PCCA: variants seen among roughly 807,000 people sequenced by gnomAD.
PCCA encodes propionyl-CoA carboxylase subunit alpha, also known as propionyl-CoA carboxylase alpha chain, mitochondrial.
A neutral mutation model predicts 101.3 loss-of-function variants in PCCA; 74 were observed. The observed-to-expected ratio is 0.73, with a 90% CI of 0.61 to 0.89. The LOEUF (loss-of-function observed/expected upper bound fraction) is 0.89, where lower values mean the gene tolerates loss of function less well. PCCA is among the 40% of genes least tolerant of loss of function. The probability of loss-of-function intolerance (pLI) is 0.00; values close to 1 mark genes in which losing one functional copy is unlikely to be tolerated. For synonymous variants in PCCA, 294 were observed against 313.6 expected (o/e 0.94, Z 0.66); for missense variants, 891 against 907.0 (o/e 0.98, Z 0.23).
At chr13:100,452,950 AC>A (rs908564216) in intron 21 of PCCA, among the ~76,000 whole-genome samples, 3 of 152,124 alleles carry the variant, frequency 2.0e-5, no homozygotes, top group African/African-American at 7.2e-5. Flanking sequence ...GTGCCTATAA[AC>A]TCAGCCCTTT....
intron 17 of PCCA, among the ~76,000 whole-genome samples, chr13:100,337,708 T>C (rs2070712167): frequency 6.6e-6 from 1 of 152,214 alleles, no homozygotes; most frequent in Non-Finnish European, 1.5e-5. Context: ...CATGCACTAA[T>C]AGTTGGTTAG....
intron 22 of PCCA, among the ~76,000 whole-genome samples, chr13:100,520,413 C>T (rs376301132): frequency 3.3e-5 from 5 of 151,594 alleles, no homozygotes; most frequent in African/African-American, 4.8e-5. Flanking sequence ...TTTGGGAGGC[C>T]GAGGCGGGCG....
At position 100,279,069 on chromosome 13, in the gene PCCA, C is replaced by G. The variant is rs549893313; in HGVS notation, c.1065+5723C>G. On this transcript the variant is annotated intron_variant, in intron 12 of 23. Transcript: ENST00000376285. ...CTTCTCACCGGTGGTCTGGGCCCCA[C>G]ACTGTGAGAAAATATTTCACTAATA... 1.6e-4 allele frequency among the ~76,000 whole-genome samples: 25 copies of G among 152,232 alleles called. No homozygotes were observed. The South Asian group carries it at 5.2e-3, about 32-fold the overall frequency.
intron 19 of PCCA, among the ~76,000 whole-genome samples, chr13:100,377,143 C>T (rs1229148541): frequency 6.6e-6 from 1 of 152,194 alleles, no homozygotes; most frequent in Non-Finnish European, 1.5e-5. Context: ...GCTGCACCCA[C>T]TGTCTAACCA....
intron 19 of PCCA, among the ~76,000 whole-genome samples, chr13:100,406,715 A>G (rs1365783583): frequency 6.6e-6 from 1 of 152,172 alleles, no homozygotes; most frequent in South Asian, 2.1e-4. Context: ...TCCCCACCCA[A>G]AAAAAGAGAA....
chr13:100,201,962 C>G (rs1346133825), intron 6 of PCCA, among the ~76,000 whole-genome samples: 1 of 149,118 alleles, frequency 6.7e-6, no homozygotes, highest in African/African-American at 2.5e-5. Flanking sequence ...TTGGACTTCT[C>G]AGAGTTTATG....
rs374566196 is a variant in PCCA at position 100,520,634 on chromosome 13, CAAAAAA to C, written c.2040+5085_2040+5090del. Among the ~76,000 whole-genome samples the C allele has an allele frequency of 2.5e-3, 171 of 68,274 alleles. 2 individuals are homozygous for C. Among genetic ancestry groups the C allele is most frequent in the African/African-American group, 9.1e-3 (151 of 16,602 alleles). The allele number at this position is 68,274 out of a possible 152,430, so 44.8% of individuals were successfully genotyped here. A position where few individuals can be genotyped will look rare whatever the true frequency, so the allele number is the denominator to read the frequency against. ...TGGGCGACAGAGCGAGACTCCGTCTCAAAAAAAAAAAAAAAAAAAAAAAGAGTTGGT... is the reference window on the plus strand; with the variant it reads ...TGGGCGACAGAGCGAGACTCCGTCTCAAAAAAAAAAAAAAAAAGAGTTGGT... On this transcript the variant is annotated intron_variant, in intron 22 of 23. Transcript: ENST00000376285.
chr13:100,521,995 A>G (rs185686136), intron 22 of PCCA, among the ~76,000 whole-genome samples: 1 of 152,216 alleles, frequency 6.6e-6, no homozygotes, highest in East Asian at 1.9e-4. Context: ...CTTCTTCCCC[A>G]AAAAGGGGAC....
chr13:100,276,482 AT>A (rs982378039), intron 12 of PCCA, among the ~76,000 whole-genome samples: 1 of 151,744 alleles, frequency 6.6e-6, no homozygotes, highest in Admixed American at 6.6e-5. Context: ...ATGTCTTTTA[AT>A]TTTTTTTGGA....
At chr13:100,167,525 G>C (rs1009255414) in intron 6 of PCCA, among the ~76,000 whole-genome samples, 30 of 151,802 alleles carry the variant, frequency 2.0e-4, no homozygotes, top group African/African-American at 7.3e-4. Flanking sequence ...GTCCAGCCTG[G>C]GTGACAAAAG....
chr13:100,469,588 CCAACA>C (rs2082826130), intron 21 of PCCA, among the ~76,000 whole-genome samples: 1 of 152,012 alleles, frequency 6.6e-6, no homozygotes, highest in South Asian at 2.1e-4. Context: ...ACCAGCCTGG[CCAACA>C]CAGTGAAACC....
At chr13:100,358,592 C>G (rs1359667538) in intron 18 of PCCA, among the ~76,000 whole-genome samples, 1 of 151,966 alleles carries the variant, frequency 6.6e-6, no homozygotes, top group Non-Finnish European at 1.5e-5. Context: ...GGCTGAAAAG[C>G]ATACTGGTGA....
intron 22 of PCCA, among the ~76,000 whole-genome samples, chr13:100,523,004 T>C (rs978094798): frequency 7.9e-5 from 12 of 152,228 alleles, no homozygotes; most frequent in African/African-American, 2.9e-4. Context: ...CTTCCTTTTA[T>C]GTTTGGTGGT....
intron 21 of PCCA, among the ~76,000 whole-genome samples, chr13:100,459,558 C>T (rs1595994986): frequency 6.6e-6 from 1 of 152,110 alleles, no homozygotes; most frequent in East Asian, 1.9e-4. Flanking sequence ...CAAAAGTGAG[C>T]ATAGAAAGGT....
intron 21 of PCCA, among the ~76,000 whole-genome samples, chr13:100,514,975 C>T (rs905819171): frequency 1.9e-4 from 29 of 152,314 alleles, no homozygotes; most frequent in Admixed American, 3.3e-4. Flanking sequence ...GTAGTGCAGC[C>T]GCTCTTGGAG....
intron 6 of PCCA, among the ~76,000 whole-genome samples, chr13:100,159,436 T>G (rs76462343): frequency 0.018 from 2,672 of 152,148 alleles, 82 homozygotes; most frequent in African/African-American, 0.061. Context: ...GAAGGATATA[T>G]TAATAAAAAT....
intron 12 of PCCA, among the ~76,000 whole-genome samples, chr13:100,282,842 C>T (rs1016725654): frequency 1.3e-5 from 2 of 152,138 alleles, no homozygotes; most frequent in Non-Finnish European, 2.9e-5. Flanking sequence ...CCTCTCAGCT[C>T]ACCCCCATAT....
At chr13:100,417,084 C>T (rs1369007197) in intron 19 of PCCA, among the ~76,000 whole-genome samples, 1 of 152,116 alleles carries the variant, frequency 6.6e-6, no homozygotes, top group Non-Finnish European at 1.5e-5. Context: ...CTCAGGTGAT[C>T]CCCCCGCCTT....
chr13:100,310,022 T>A, intron 16 of PCCA, 114 bp downstream of exon 16: 1 of 769,648 alleles, frequency 1.3e-6, no homozygotes, highest in Non-Finnish European at 2.3e-6. Context: ...ACTATGTGCT[T>A]AAAGAGAAAT....
Sources: gnomAD v4.1 joint callset for allele counts (sites outside exome capture counted in the v4.1 genomes callset) on GRCh38, gnomAD v4.1.1 for gene constraint, MANE v1.5 for transcripts, NCBI Gene and HGNC (gene_info 2026-07-23, HGNC 2026-07-21) for gene names.